The following CTNNAL1 variants were observed in gnomAD, a reference collection of about 807,000 sequenced individuals.
The protein encoded by CTNNAL1 is catenin alpha like 1, also known as alpha-catulin.
A neutral mutation model predicts 93.6 loss-of-function variants in CTNNAL1; 69 were observed. That is an observed-to-expected ratio of 0.74 (90% CI 0.61 to 0.90). The LOEUF (loss-of-function observed/expected upper bound fraction) is 0.90, where lower values mean the gene tolerates loss of function less well. CTNNAL1 is among the 40% of genes least tolerant of loss of function. The pLI, the probability that CTNNAL1 is intolerant of heterozygous loss-of-function variation, is 0.00. For missense variants in CTNNAL1, 836 were observed against 862.0 expected, an observed-to-expected ratio of 0.97 and a Z score of 0.38; for synonymous variants, 286 against 305.4, an observed-to-expected ratio of 0.94 and a Z score of 0.66.
At chr9:108,972,864 G>GGGGGGGCCCCC in intron 8 of CTNNAL1, 31 bp from the exon 9 acceptor site, 68 of 142,248 alleles carry the variant, frequency 4.8e-4, no homozygotes, top group East Asian at 6.6e-4. Context: ...GGGGGGGTGG[G>GGGGGGGCCCCC]AGGGTGGAGA....
At chr9:108,966,830 G>A (rs1021211887) in intron 10 of CTNNAL1, among the ~76,000 whole-genome samples, 2 of 152,080 alleles carry the variant, frequency 1.3e-5, no homozygotes, top group African/African-American at 4.8e-5. Context: ...TGGATGGCTG[G>A]GTTGAGTCTT....
chr9:108,948,918 A>G (rs1265079105), intron 14 of CTNNAL1, among the ~76,000 whole-genome samples: 2 of 152,240 alleles, frequency 1.3e-5, no homozygotes, highest in African/African-American at 4.8e-5. Context: ...AGATGTGAAC[A>G]TATCATTCCT....
At chr9:108,949,235 A>G (rs12351693) in intron 14 of CTNNAL1, among the ~76,000 whole-genome samples, 11,115 of 152,172 alleles carry the variant, frequency 0.073, 486 homozygotes, top group Admixed American at 0.13. Flanking sequence ...ACTACTATCC[A>G]ATAACTATAT....
At chr9:109,012,911 C>T (rs1827251559) in intron 1 of CTNNAL1, among the ~76,000 whole-genome samples, 1 of 152,176 alleles carries the variant, frequency 6.6e-6, no homozygotes, top group African/African-American at 2.4e-5. Context: ...CCCTAAGTAC[C>T]AGCGAGGGGC....
intron 5 of CTNNAL1, among the ~76,000 whole-genome samples, chr9:108,983,818 A>C (rs1831515014): frequency 6.6e-6 from 1 of 152,236 alleles, no homozygotes; most frequent in Non-Finnish European, 1.5e-5. Context: ...AGAAAAGGTT[A>C]TTCCAAACAA....
intron 2 of CTNNAL1, among the ~76,000 whole-genome samples, chr9:108,996,857 A>G (rs1015973440): frequency 2.0e-5 from 3 of 152,168 alleles, no homozygotes; most frequent in African/African-American, 7.2e-5. Context: ...GTCAGGAAAA[A>G]AAGTCTCTCC....
intron 1 of CTNNAL1, 48 bp downstream of exon 1, chr9:109,013,254 G>A (rs1446835262): frequency 3.5e-6 from 5 of 1,429,596 alleles, no homozygotes; most frequent in Non-Finnish European, 4.6e-6. Context: ...CCGCCATCGC[G>A]GGCCGCGGCG....
chr9:109,002,830 A>G (rs1326321739), intron 1 of CTNNAL1, among the ~76,000 whole-genome samples: 3 of 151,352 alleles, frequency 2.0e-5, no homozygotes, highest in East Asian at 3.9e-4. Flanking sequence ...CTAAAAAAAA[A>G]AAAAAGAAAA....
At chr9:108,972,330 A>C (rs918433639) in intron 9 of CTNNAL1, among the ~76,000 whole-genome samples, 4 of 152,006 alleles carry the variant, frequency 2.6e-5, no homozygotes, top group Admixed American at 1.3e-4. Flanking sequence ...AAATTGTCCT[A>C]ATTTGAGTGT....
At chr9:108,987,440 T>C (rs903310042) in intron 4 of CTNNAL1, among the ~76,000 whole-genome samples, 3 of 152,340 alleles carry the variant, frequency 2.0e-5, no homozygotes, top group Admixed American at 2.0e-4. Context: ...AGCCTTGTAG[T>C]ATAGTTTGAA....
chr9:109,012,965 C>A (rs1827253841), intron 1 of CTNNAL1, among the ~76,000 whole-genome samples: 1 of 152,174 alleles, frequency 6.6e-6, no homozygotes, highest in Admixed American at 6.5e-5. Flanking sequence ...CTCAACCACT[C>A]GCCCCGCGGA....
intron 8 of CTNNAL1, among the ~76,000 whole-genome samples, chr9:108,975,678 TTA>T (rs1169326974): frequency 3.3e-5 from 5 of 152,206 alleles, no homozygotes; most frequent in Non-Finnish European, 5.9e-5. Flanking sequence ...TCAACTGAGA[TTA>T]TGTTTTGTGA....
intron 2 of CTNNAL1, among the ~76,000 whole-genome samples, chr9:108,994,969 C>G (rs1359158465): frequency 6.6e-6 from 1 of 152,178 alleles, no homozygotes; most frequent in Non-Finnish European, 1.5e-5. Context: ...GGAAGCAGAC[C>G]TGCAGTGCAC....
chr9:108,968,771 G>A (rs1029001182), intron 10 of CTNNAL1, among the ~76,000 whole-genome samples: 1 of 152,180 alleles, frequency 6.6e-6, no homozygotes, highest in African/African-American at 2.4e-5. Flanking sequence ...CCATCGTTGA[G>A]TCTAGGTCAC....
chr9:108,943,457 C>G (rs540957854), intron 17 of CTNNAL1, among the ~76,000 whole-genome samples: 20 of 152,266 alleles, frequency 1.3e-4, no homozygotes, highest in African/African-American at 4.3e-4. Context: ...GAGGTAATGA[C>G]TTCAGAATTG....
chr9:108,992,028 C>T (rs1175614843), intron 3 of CTNNAL1: 3 of 759,126 alleles, frequency 4.0e-6, no homozygotes, highest in Non-Finnish European at 7.4e-6. Context: ...TTATCATTTC[C>T]ACTGATTTAA....
In CTNNAL1 at chr9:109,005,529, G is replaced by A. The variant is rs1452291616; in HGVS notation, c.142-6273C>T. On this transcript the variant is annotated intron_variant, in intron 1 of 18. Transcript: ENST00000325551. ...TGCCTTTTAAAAGAGGCCTCAGAAA[G>A]CTCTCTCACTCATTTCCACCCTGAG... Among the ~76,000 whole-genome samples the A allele has an allele frequency of 3.3e-5, 5 of 152,162 alleles. No individual in the cohort carries two copies. In the East Asian group the frequency reaches 5.8e-4, roughly 18 times the overall value.
At chr9:108,944,120 G>A in intron 15 of CTNNAL1, 102 bp from the exon 16 acceptor site, 3 of 1,158,524 alleles carry the variant, frequency 2.6e-6, no homozygotes, top group Non-Finnish European at 3.7e-6. Flanking sequence ...TAAAAATAAA[G>A]CCTAGATATA....
chr9:109,007,613 T>C (rs1361252986), intron 1 of CTNNAL1, among the ~76,000 whole-genome samples: 1 of 152,040 alleles, frequency 6.6e-6, no homozygotes, highest in Non-Finnish European at 1.5e-5. Flanking sequence ...GGTGGGGAGG[T>C]ACTCTACATA....
Sources: gnomAD v4.1 joint callset for allele counts (sites outside exome capture counted in the v4.1 genomes callset) on GRCh38, gnomAD v4.1.1 for gene constraint, MANE v1.5 for transcripts, NCBI Gene and HGNC (gene_info 2026-07-23, HGNC 2026-07-21) for gene names.